The following XRCC4 variants were observed in gnomAD, a reference collection of about 807,000 sequenced individuals.
XRCC4 encodes the protein X-ray repair cross complementing 4, also known as DNA repair protein XRCC4.
XRCC4 carries 28 observed loss-of-function variants against 39.1 expected under a neutral mutation model. That is an observed-to-expected ratio of 0.72 (90% CI 0.53 to 0.98). The LOEUF (loss-of-function observed/expected upper bound fraction) is 0.98, where lower values mean the gene tolerates loss of function less well. Among genes scored for constraint, XRCC4 ranks in the 50% least tolerant of loss-of-function variants. The pLI is 0.00. For missense variants in XRCC4, 350 were observed against 376.4 expected (o/e 0.93, Z 0.58); for synonymous variants, 123 against 126.4 (o/e 0.97, Z 0.18).
At chr5:83,171,815 T>G (rs756240887) in intron 3 of XRCC4, among the ~76,000 whole-genome samples, 3 of 152,192 alleles carry the variant, frequency 2.0e-5, no homozygotes, top group Non-Finnish European at 4.4e-5. Flanking sequence ...CCTGCCAGAT[T>G]ATAATTTTCA....
chr5:83,181,799 G>T (rs1346034510), intron 3 of XRCC4, among the ~76,000 whole-genome samples: 1 of 152,196 alleles, frequency 6.6e-6, no homozygotes, highest in Admixed American at 6.5e-5. Flanking sequence ...GAGATGTCTG[G>T]TGGAGCTCAA....
At chr5:83,252,614 A>G (rs1465887521) in intron 6 of XRCC4, among the ~76,000 whole-genome samples, 2 of 152,154 alleles carry the variant, frequency 1.3e-5, no homozygotes, top group East Asian at 3.9e-4. Flanking sequence ...GTAAATATGT[A>G]CATTGATTTA....
intron 7 of XRCC4, among the ~76,000 whole-genome samples, chr5:83,334,868 T>C (rs7711016): frequency 0.056 from 8,470 of 152,008 alleles, 388 homozygotes; most frequent in East Asian, 0.15. Flanking sequence ...TTCTGTGGTG[T>C]TTGAAATCTT....
chr5:83,339,017 T>G (rs1756674757), intron 7 of XRCC4, among the ~76,000 whole-genome samples: 2 of 152,186 alleles, frequency 1.3e-5, no homozygotes, highest in African/African-American at 4.8e-5. Flanking sequence ...CCAGTAATTC[T>G]GAGCGTAGAC....
chr5:83,181,048 ACTTT>A (rs1580337414), intron 3 of XRCC4, among the ~76,000 whole-genome samples: 1 of 118,148 alleles, frequency 8.5e-6, no homozygotes. Context: ...TGTACTTTAA[ACTTT>A]CTTTTTTTTT....
At chr5:83,354,221 G>A (rs114398102), downstream of XRCC4, among the ~76,000 whole-genome samples, 575 of 152,234 alleles carry the variant, frequency 3.8e-3, 7 homozygotes, top group African/African-American at 0.013. Flanking sequence ...CTTGACTTTT[G>A]CAATAGCATA....
chr5:83,111,124 G>T lies in XRCC4; in HGVS notation c.236G>T (p.Gly79Val). 1 of 1,611,234 alleles carries T rather than the reference G, an allele frequency of 6.2e-7. No individual in the cohort carries two copies. The highest frequency in any genetic ancestry group is 1.7e-5 in the Admixed American group (1 of 59,500). Reference sequence around the variant, plus strand: ...AGAAAAGCATTGTTGTCAGGAGCAGGACCAGCTGATGTATACACGTTTAAT... The same window carrying T: ...AGAAAAGCATTGTTGTCAGGAGCAGTACCAGCTGATGTATACACGTTTAAT... ...ELRKALLSGAGPADVYTFNFS... is the reference protein window; with the variant it reads ...ELRKALLSGAVPADVYTFNFS... The change falls in exon 3 of 8, where the codon GGA (glycine) becomes GTA (valine). Residue 79 changes from glycine to valine, a missense_variant. Gly to Val is a moderately radical substitution (Grantham distance 109). Transcript: ENST00000396027.
chr5:83,301,107 T>A (rs1755269040), intron 7 of XRCC4, among the ~76,000 whole-genome samples: 1 of 152,168 alleles, frequency 6.6e-6, no homozygotes, highest in Non-Finnish European at 1.5e-5. Context: ...GTAATGAGAT[T>A]GCTGGTCAAA....
intron 7 of XRCC4, among the ~76,000 whole-genome samples, chr5:83,324,987 C>T (rs541184110): frequency 1.1e-4 from 17 of 152,170 alleles, no homozygotes; most frequent in East Asian, 5.8e-4. Context: ...CTTTGGGAAC[C>T]CTTCAAGTGA....
intron 7 of XRCC4, among the ~76,000 whole-genome samples, chr5:83,316,443 G>A (rs1412546349): frequency 2.6e-5 from 4 of 151,120 alleles, no homozygotes; most frequent in Non-Finnish European, 4.4e-5. Flanking sequence ...TCAGTGTGCT[G>A]TATTCAGGAA....
chr5:83,101,649 T>C (rs559005557), intron 1 of XRCC4, among the ~76,000 whole-genome samples: 1 of 152,242 alleles, frequency 6.6e-6, no homozygotes, highest in South Asian at 2.1e-4. Context: ...TGTTGATGAT[T>C]GATGTCTACT....
chr5:83,171,438 C>T (rs1309612579), intron 3 of XRCC4, among the ~76,000 whole-genome samples: 2 of 152,000 alleles, frequency 1.3e-5, no homozygotes, highest in East Asian at 1.9e-4. Context: ...ATGTAGAAAA[C>T]ATTTTAAATG....
intron 3 of XRCC4, among the ~76,000 whole-genome samples, chr5:83,160,975 G>A (rs1373790400): frequency 6.6e-6 from 1 of 152,116 alleles, no homozygotes; most frequent in Non-Finnish European, 1.5e-5. Flanking sequence ...TATTCCAAGT[G>A]CTTTGCAAAT....
At chr5:83,200,956 C>A (rs1751165396) in intron 4 of XRCC4, among the ~76,000 whole-genome samples, 1 of 151,928 alleles carries the variant, frequency 6.6e-6, no homozygotes, top group African/African-American at 2.4e-5. Flanking sequence ...ATTGCTAGCT[C>A]CTTTTCAATA....
At chr5:83,349,799 G>A (rs1477979973) in intron 7 of XRCC4, among the ~76,000 whole-genome samples, 2 of 152,112 alleles carry the variant, frequency 1.3e-5, no homozygotes, top group Non-Finnish European at 2.9e-5. Flanking sequence ...GGGGGTACAT[G>A]TGCGGGTTTG....
At chr5:83,096,209 C>G (rs1216208613) in intron 1 of XRCC4, among the ~76,000 whole-genome samples, 1 of 151,426 alleles carries the variant, frequency 6.6e-6, no homozygotes, top group African/African-American at 2.4e-5. Flanking sequence ...AAAGGTCCCC[C>G]TTGGGATCTG....
chr5:83,161,030 A>G (rs1175488137), intron 3 of XRCC4, among the ~76,000 whole-genome samples: 1 of 152,124 alleles, frequency 6.6e-6, no homozygotes, highest in African/African-American at 2.4e-5. Flanking sequence ...AGATGTTGTC[A>G]TTGCCATTTG....
At chr5:83,171,039 G>T (rs1363422947) in intron 3 of XRCC4, among the ~76,000 whole-genome samples, 7 of 151,992 alleles carry the variant, frequency 4.6e-5, no homozygotes. Flanking sequence ...TCCAGTGCCG[G>T]TCTTTCCCAT....
At chr5:83,089,706 T>C (rs1745335139) in intron 1 of XRCC4, among the ~76,000 whole-genome samples, 1 of 151,504 alleles carries the variant, frequency 6.6e-6, no homozygotes. Context: ...AAGCTGGGAA[T>C]GTTACATGTC....
Sources: allele counts gnomAD v4.1 joint callset (sites outside exome capture counted in the v4.1 genomes callset), GRCh38; gene constraint gnomAD v4.1.1; transcripts MANE v1.5; gene names NCBI Gene and HGNC (gene_info 2026-07-23, HGNC 2026-07-21).